PRPSAP2: variants seen among roughly 807,000 people sequenced by gnomAD.
PRPSAP2 encodes the protein phosphoribosyl pyrophosphate synthetase associated protein 2.
Under a neutral mutation model 40.6 loss-of-function variants are expected in PRPSAP2, and 24 were observed. That is an observed-to-expected ratio of 0.59 (90% CI 0.43 to 0.83). PRPSAP2 has a LOEUF of 0.83. Ranked by LOEUF, PRPSAP2 falls within the 40% of genes least tolerant of loss-of-function variation. The pLI is 0.00. For missense variants in PRPSAP2, 292 were observed against 465.6 expected (o/e 0.63, Z 3.43); for synonymous variants, 149 against 164.7 (o/e 0.90, Z 0.73).
At chr17:18,900,917 T>G (rs907666181) in intron 8 of PRPSAP2, among the ~76,000 whole-genome samples, 6 of 152,130 alleles carry the variant, frequency 3.9e-5, no homozygotes, top group Admixed American at 3.3e-4. Flanking sequence ...AGTCCAGATT[T>G]CACTCTCCAC....
intron 7 of PRPSAP2, among the ~76,000 whole-genome samples, chr17:18,889,415 G>A (rs916354167): frequency 5.9e-5 from 9 of 152,196 alleles, no homozygotes; most frequent in African/African-American, 2.2e-4. Context: ...TGTTATGACT[G>A]CGATATGTTA....
intron 1 of PRPSAP2, among the ~76,000 whole-genome samples, 199 bp from the exon 2 acceptor site, chr17:18,865,270 G>A (rs1000211627): frequency 3.3e-5 from 5 of 152,136 alleles, no homozygotes; most frequent in East Asian, 1.9e-4. Flanking sequence ...TAGTCAGCCC[G>A]TGTTCCACTT....
rs1597594471 is a variant in PRPSAP2, at chr17:18,882,763, A to G, written c.528+80A>G. 13 of 898,080 alleles carry G rather than the reference A, an allele frequency of 1.4e-5. No individual in the cohort carries two copies. The East Asian group carries it at 2.7e-4, about 18-fold the overall frequency. The allele number at this position is 898,080 out of a possible 1,614,324, so 55.6% of individuals were successfully genotyped here. On this transcript the variant is annotated intron_variant, in intron 7 of 11. Coordinates refer to ENST00000268835, the MANE Select transcript of PRPSAP2 (RefSeq NM_002767.4). Reference sequence around the variant, plus strand: ...ATTTCCATTTCCTTAGGATACCCCTAAAGGATTAAAACTTGATGTATTGTA... The same window carrying G: ...ATTTCCATTTCCTTAGGATACCCCTGAAGGATTAAAACTTGATGTATTGTA...
chr17:18,861,229 C>G (rs2036988927), intron 1 of PRPSAP2, among the ~76,000 whole-genome samples: 1 of 152,098 alleles, frequency 6.6e-6, no homozygotes, highest in Non-Finnish European at 1.5e-5. Context: ...CTTTAGGAGG[C>G]TGAGGCGGGT....
At chr17:18,915,847 T>G (rs2041277597) in intron 9 of PRPSAP2, among the ~76,000 whole-genome samples, 1 of 149,118 alleles carries the variant, frequency 6.7e-6, no homozygotes, top group African/African-American at 2.5e-5. Flanking sequence ...TGAGACGGAG[T>G]CTTGCTCTGT....
chr17:18,863,498 T>TCTTTCTTTCTTCC (rs1259955034), intron 1 of PRPSAP2, among the ~76,000 whole-genome samples: 1 of 150,944 alleles, frequency 6.6e-6, no homozygotes, highest in African/African-American at 2.4e-5. Context: ...TTCTTTCTTT[T>TCTTTCTTTCTTCC]CTTTCTTTCT....
chr17:18,879,047 T>A (rs2038519013), intron 6 of PRPSAP2, among the ~76,000 whole-genome samples: 1 of 151,974 alleles, frequency 6.6e-6, no homozygotes, highest in Admixed American at 6.6e-5. Flanking sequence ...TTTTTGTATT[T>A]TTAGTAGAGA....
intron 9 of PRPSAP2, among the ~76,000 whole-genome samples, chr17:18,919,293 G>A (rs2041549848): frequency 6.6e-6 from 1 of 152,126 alleles, no homozygotes. Flanking sequence ...TGGATCATGA[G>A]GTCAGGAGTT....
chr17:18,917,315 G>A (rs1485491570), intron 9 of PRPSAP2: 1 of 151,614 alleles, frequency 6.6e-6, no homozygotes, highest in Non-Finnish European at 1.5e-5. Context: ...GACTCGAAGT[G>A]GTTACAATTT....
In PRPSAP2 at chr17:18,911,249, C is replaced by T; in HGVS notation, c.731C>T (p.Pro244Leu). 6.2e-7 allele frequency: 1 copy of T among 1,607,350 alleles called. No individual in the cohort carries two copies. The highest frequency in any genetic ancestry group is 8.5e-7 in the Non-Finnish European group (1 of 1,175,278). ...VAAIHPSLEI[P>L]MLIPKEKPPI... ...GCCATCCACCCCAGCCTGGAGATCC[C>T]CAGTAAGTGTGCTGCTGCCTCTTTC... is the stretch of plus-strand genomic sequence containing the variant. Residue 244 changes from proline to leucine, a missense_variant and splice_region_variant, in exon 9 of 12, where the codon CCC (proline) becomes CTC (leucine). Transcript: ENST00000268835. The surrounding 1 kb of genome is among the most constrained non-coding windows in gnomAD (Gnocchi z 4.5).
rs551614896 is a variant in PRPSAP2, at chr17:18,913,348, G to A, written c.733+2097G>A. 4.6e-5 allele frequency among the ~76,000 whole-genome samples: 7 copies of A among 152,234 alleles called. No individual in the cohort carries two copies. The East Asian group carries it at 1.4e-3, about 29-fold the overall frequency. On this transcript the variant is annotated intron_variant, in intron 9 of 11. Coordinates refer to ENST00000268835, the MANE Select transcript of PRPSAP2 (RefSeq NM_002767.4). ...TGTGCCTTCCAGAGGGGTGGCCCGA[G>A]CTATAGTTGGACCTGCTTGAGCTAT...
chr17:18,875,596 G>A (rs2038230958), intron 5 of PRPSAP2, among the ~76,000 whole-genome samples: 1 of 151,704 alleles, frequency 6.6e-6, no homozygotes, highest in Non-Finnish European at 1.5e-5. Context: ...GGGCGAGGTG[G>A]CTTACACCTA....
At chr17:18,910,581 C>T (rs987888249) in intron 8 of PRPSAP2, among the ~76,000 whole-genome samples, 4 of 152,160 alleles carry the variant, frequency 2.6e-5, no homozygotes, top group South Asian at 2.1e-4. Context: ...GTGGTGATGA[C>T]GTTCCTTATC....
intron 9 of PRPSAP2, among the ~76,000 whole-genome samples, chr17:18,920,049 G>A (rs9891606): frequency 0.18 from 27,281 of 152,056 alleles, 2,689 homozygotes; most frequent in African/African-American, 0.24. Flanking sequence ...TGGGGCTGCC[G>A]CTCCCTTTCA....
At chr17:18,908,746 G>C in intron 8 of PRPSAP2, 1 of 724,814 alleles carries the variant, frequency 1.4e-6, no homozygotes, top group East Asian at 2.5e-5. Flanking sequence ...ATGCAAGAAA[G>C]AGATCGGAGA....
chr17:18,895,245 C>A (rs562045084), intron 8 of PRPSAP2, among the ~76,000 whole-genome samples: 11 of 151,802 alleles, frequency 7.2e-5, no homozygotes, highest in Non-Finnish European at 1.6e-4. Context: ...ACCACCATGC[C>A]TGGCTAATTA....
chr17:18,894,188 G>A (rs1424682109), intron 8 of PRPSAP2, among the ~76,000 whole-genome samples: 8 of 150,810 alleles, frequency 5.3e-5, no homozygotes, highest in South Asian at 2.1e-4. Context: ...ACGGAGTTTC[G>A]CTCTTGTTGC....
intron 9 of PRPSAP2, among the ~76,000 whole-genome samples, chr17:18,919,345 A>G (rs2041554891): frequency 6.6e-6 from 1 of 152,180 alleles, no homozygotes; most frequent in Admixed American, 6.6e-5. Flanking sequence ...TGTCTCTACT[A>G]AAAAATATAA....
At chr17:18,890,803 A>C (rs979039257) in intron 8 of PRPSAP2, among the ~76,000 whole-genome samples, 18 of 152,158 alleles carry the variant, frequency 1.2e-4, no homozygotes, top group Non-Finnish European at 5.9e-5. Flanking sequence ...AAATTGATTA[A>C]CAGAATTTTA....
Sources: allele counts gnomAD v4.1 joint callset (sites outside exome capture counted in the v4.1 genomes callset), GRCh38; gene constraint gnomAD v4.1.1; non-coding constraint Gnocchi (gnomAD v3.1); transcripts MANE v1.5; gene names NCBI Gene and HGNC (gene_info 2026-07-23, HGNC 2026-07-21).